FHIP2A: variants seen among roughly 807,000 people sequenced by gnomAD.
The protein encoded by FHIP2A is family with sequence similarity 160 member B1.
A neutral mutation model predicts 93.5 loss-of-function variants in FHIP2A; 46 were observed. That is an observed-to-expected ratio of 0.49 (90% confidence interval 0.39 to 0.63). The LOEUF (loss-of-function observed/expected upper bound fraction) is 0.63, where lower values mean the gene tolerates loss of function less well. FHIP2A is among the 20% of genes least tolerant of loss of function. FHIP2A has a pLI of 0.00. For missense variants in FHIP2A, 769 were observed against 909.7 expected (o/e 0.85, Z 1.99); for synonymous variants, 332 against 326.5 (o/e 1.02, Z -0.18).
chr10:114,896,575 C>T (rs2084002539), intron 16 of FHIP2A, among the ~76,000 whole-genome samples: 1 of 152,188 alleles, frequency 6.6e-6, no homozygotes. Context: ...TGGAAAGGCT[C>T]ATCAGAAACT....
intron 16 of FHIP2A, among the ~76,000 whole-genome samples, chr10:114,895,310 A>C (rs952658053): frequency 5.3e-5 from 8 of 152,234 alleles, no homozygotes; most frequent in Non-Finnish European, 1.2e-4. Flanking sequence ...AGATTCAGAG[A>C]GTACTGGTCC....
At chr10:114,884,270 C>A (rs1006557909) in intron 16 of FHIP2A, among the ~76,000 whole-genome samples, 7 of 152,086 alleles carry the variant, frequency 4.6e-5, no homozygotes, top group Non-Finnish European at 1.0e-4. Flanking sequence ...GATCTCTGAA[C>A]AAAAAATCAA....
At chr10:114,826,936 A>G (rs556235335) in intron 1 of FHIP2A, among the ~76,000 whole-genome samples, 19 of 152,190 alleles carry the variant, frequency 1.2e-4, no homozygotes, top group East Asian at 7.7e-4. Flanking sequence ...AGAGGTTGCA[A>G]TGAGCCGAGA....
In FHIP2A at chr10:114,862,161, ATATC is replaced by A. The variant is rs1464764560; in HGVS notation, c.*625_*628del. ...ATGATAAATTCTTGATTAATATAAT[ATATC>A]TATATTTTTAAAGAAATGTTCTTTT... is the stretch of plus-strand genomic sequence containing the variant. On this transcript the variant is annotated 3_prime_UTR_variant, in exon 17 of 17. Coordinates refer to ENST00000369248, the MANE Select transcript of FHIP2A (RefSeq NM_020940.4). 3 of 906,574 alleles carry A rather than the reference ATATC, an allele frequency of 3.3e-6. No homozygotes were observed. In the East Asian group the frequency reaches 3.5e-4, roughly 107 times the overall value. 56.2% of individuals were successfully genotyped at this position (906,574 alleles called of 1,614,324 possible).
At chr10:114,823,400 C>T (rs1002229613) in intron 1 of FHIP2A, among the ~76,000 whole-genome samples, 4 of 152,182 alleles carry the variant, frequency 2.6e-5, no homozygotes, top group Admixed American at 6.5e-5. Flanking sequence ...TATACACACT[C>T]TACTTTTGTT....
rs1470234360 is a variant in FHIP2A, at chr10:114,875,940, AAAAG to A, written c.2192+14609_2192+14612del. 2.7e-5 allele frequency among the ~76,000 whole-genome samples: 4 copies of A among 150,222 alleles called. No homozygotes were observed. In the East Asian group the frequency reaches 5.9e-4, roughly 22 times the overall value. Reference sequence around the variant, plus strand: ...AGAAAGAAAGAAAGAAAGAGAAAGAAAAAGAACAGAAAGAAAGGAAAGAAGGTAG... The same window carrying A: ...AGAAAGAAAGAAAGAAAGAGAAAGAAAACAGAAAGAAAGGAAAGAAGGTAG... On this transcript the variant is annotated intron_variant, in intron 16 of 16. Coordinates refer to the FHIP2A transcript ENST00000369250.
At chr10:114,881,191 A>G (rs1220930454) in intron 16 of FHIP2A, among the ~76,000 whole-genome samples, 1 of 152,168 alleles carries the variant, frequency 6.6e-6, no homozygotes, top group Non-Finnish European at 1.5e-5. Flanking sequence ...CAGTGAGCGG[A>G]AATATTTTCC....
At chr10:114,836,098 A>G in intron 4 of FHIP2A, 26 bp from the exon 5 acceptor site, 1 of 1,525,982 alleles carries the variant, frequency 6.6e-7, no homozygotes, top group South Asian at 1.3e-5. Flanking sequence ...CTAAGTTTAA[A>G]AAGTTAAAAA....
At chr10:114,845,503 T>A (rs749205884) in intron 8 of FHIP2A, 22 bp downstream of exon 8, 13 of 1,425,184 alleles carry the variant, frequency 9.1e-6, no homozygotes, top group Non-Finnish European at 1.3e-5. Flanking sequence ...TTTATTGTTT[T>A]TTGATCATTT....
chr10:114,852,868 C>T (rs2083745010), intron 13 of FHIP2A, among the ~76,000 whole-genome samples: 1 of 152,206 alleles, frequency 6.6e-6, no homozygotes, highest in African/African-American at 2.4e-5. Context: ...ATAACATTTA[C>T]GTGCATTTAT....
intron 5 of FHIP2A, among the ~76,000 whole-genome samples, chr10:114,842,450 A>G (rs2083674393): frequency 6.6e-6 from 1 of 152,110 alleles, no homozygotes; most frequent in Non-Finnish European, 1.5e-5. Flanking sequence ...CTTTTGTGGA[A>G]ACCTTCAGTC....
intron 16 of FHIP2A, among the ~76,000 whole-genome samples, chr10:114,894,007 A>G (rs1056311664): frequency 1.3e-5 from 2 of 152,134 alleles, no homozygotes; most frequent in African/African-American, 4.8e-5. Context: ...ATATTTTCAA[A>G]AACCTCCATA....
At chr10:114,851,656 G>T (rs1001687722) in intron 13 of FHIP2A, among the ~76,000 whole-genome samples, 2 of 132,926 alleles carry the variant, frequency 1.5e-5, no homozygotes, top group Non-Finnish European at 1.5e-5. Context: ...AATTGTTTTG[G>T]CTATTTGGAG....
rs555957047 is a variant in FHIP2A, at chr10:114,882,499, T to C, written c.2193-16991T>C. Among the ~76,000 whole-genome samples the C allele has an allele frequency of 2.0e-5, 3 of 152,280 alleles. No homozygotes were observed. The South Asian group carries it at 6.2e-4, about 32-fold the overall frequency. On this transcript the variant is annotated intron_variant, in intron 16 of 16. Coordinates refer to the FHIP2A transcript ENST00000369250. ...CATTCCAAGAAGTGCTAGGCAGTGT[T>C]TGAAAGGCAGATTTTGTTTGGGGGG...
intron 16 of FHIP2A, among the ~76,000 whole-genome samples, chr10:114,885,408 A>C (rs942104238): frequency 1.3e-5 from 2 of 152,004 alleles, no homozygotes; most frequent in African/African-American, 4.8e-5. Flanking sequence ...AAAAAAAAAA[A>C]AAAGAAAAAA....
chr10:114,895,536 G>C (rs1399620928), intron 16 of FHIP2A, among the ~76,000 whole-genome samples: 1 of 152,120 alleles, frequency 6.6e-6, no homozygotes, highest in African/African-American at 2.4e-5. Context: ...CGATACCTTA[G>C]CTTTGTATAA....
intron 14 of FHIP2A, among the ~76,000 whole-genome samples, chr10:114,858,966 A>T (rs994153434): frequency 3.3e-5 from 5 of 151,014 alleles, no homozygotes; most frequent in African/African-American, 1.2e-4. Context: ...AAATGTATCA[A>T]AATATCACAT....
At chr10:114,854,546 A>G (rs1000970665) in intron 13 of FHIP2A, among the ~76,000 whole-genome samples, 7 of 152,208 alleles carry the variant, frequency 4.6e-5, no homozygotes, top group African/African-American at 1.2e-4. Flanking sequence ...AAGACACAAA[A>G]TACAAACCCT....
chr10:114,847,280 TTTTG>T (rs769471758), intron 12 of FHIP2A, 47 bp downstream of exon 12: 1 of 1,543,166 alleles, frequency 6.5e-7, no homozygotes, highest in South Asian at 1.2e-5. Flanking sequence ...TGTTTTTTGT[TTTTG>T]TTTATTAGTA....
Sources: allele counts gnomAD v4.1 joint callset (sites outside exome capture counted in the v4.1 genomes callset), GRCh38; gene constraint gnomAD v4.1.1; transcripts MANE v1.5; gene names NCBI Gene and HGNC (gene_info 2026-07-23, HGNC 2026-07-21).